The following DOCK2 variants were observed in gnomAD, a reference collection of about 807,000 sequenced individuals.
DOCK2 encodes dedicator of cytokinesis protein 2.
A neutral mutation model predicts 248.9 loss-of-function variants in DOCK2; 87 were observed. That is an observed-to-expected ratio of 0.35 (90% confidence interval 0.29 to 0.42). DOCK2 has a LOEUF of 0.42. DOCK2 is among the 10% of genes least tolerant of loss of function. The pLI, the probability that DOCK2 is intolerant of heterozygous loss-of-function variation, is 1.00. For synonymous variants in DOCK2, 805 were observed against 821.6 expected (o/e 0.98, Z 0.35); for missense variants, 1,747 against 2,300.2 (o/e 0.76, Z 4.92).
intron 1 of DOCK2, among the ~76,000 whole-genome samples, chr5:169,651,960 A>C (rs1384302347): frequency 1.3e-5 from 2 of 152,218 alleles, no homozygotes; most frequent in Non-Finnish European, 2.9e-5. Context: ...GAGATAATAT[A>C]ATGCTAATAA....
intron 26 of DOCK2, among the ~76,000 whole-genome samples, chr5:169,839,365 T>A (rs541715178): frequency 2.6e-5 from 4 of 152,318 alleles, no homozygotes; most frequent in Admixed American, 2.6e-4. Flanking sequence ...GAGAACCTTC[T>A]ACATTTTTGT....
intron 27 of DOCK2, among the ~76,000 whole-genome samples, chr5:169,927,395 G>A (rs537922433): frequency 1.3e-4 from 20 of 152,292 alleles, no homozygotes; most frequent in Non-Finnish European, 2.8e-4. Context: ...CCCTAGAGAT[G>A]GGGACCTTCT....
At chr5:169,696,947 A>G (rs775510202) in intron 10 of DOCK2, among the ~76,000 whole-genome samples, 1 of 151,972 alleles carries the variant, frequency 6.6e-6, no homozygotes, top group Admixed American at 6.6e-5. Context: ...TGGTTAATTC[A>G]TGAAATCCTC....
chr5:169,776,166 T>TAA (rs1200977931), intron 25 of DOCK2, among the ~76,000 whole-genome samples: 1,802 of 145,206 alleles, frequency 0.012, 42 homozygotes, highest in African/African-American at 0.043. Context: ...AATATATATA[T>TAA]TTATATAAAT....
intron 27 of DOCK2, among the ~76,000 whole-genome samples, chr5:169,949,750 T>C (rs929893268): frequency 1.6e-5 from 2 of 121,922 alleles, no homozygotes; most frequent in Admixed American, 7.9e-5. Context: ...TACACAGAGG[T>C]GTAGCATTTC....
In DOCK2 at chr5:169,784,700, T is replaced by C. The variant is rs553138781; in HGVS notation, c.2555-18358T>C. Among the ~76,000 whole-genome samples, 8 of 152,382 alleles carry C rather than the reference T, an allele frequency of 5.2e-5. No homozygotes were observed. In the East Asian group the frequency reaches 1.5e-3, roughly 29 times the overall value. Reference sequence around the variant, plus strand: ...GATGGAGCAGACATCAGGCTCAAGCTTCTCTTAGTATTTAATATAAGTGTT... The same window carrying C: ...GATGGAGCAGACATCAGGCTCAAGCCTCTCTTAGTATTTAATATAAGTGTT... On this transcript the variant is annotated intron_variant, in intron 25 of 51. Coordinates refer to ENST00000520908, the MANE Select transcript of DOCK2 (RefSeq NM_004946.3).
At chr5:169,786,778 T>G (rs1017670362) in intron 25 of DOCK2, among the ~76,000 whole-genome samples, 1 of 152,218 alleles carries the variant, frequency 6.6e-6, no homozygotes, top group Non-Finnish European at 1.5e-5. Context: ...ATGGACTCTA[T>G]GTATACATGT....
rs984911844 is a variant in DOCK2, at chr5:170,019,087, A to G, written c.3360A>G (p.Gln1120=). 4 of 1,613,952 alleles carry G rather than the reference A, an allele frequency of 2.5e-6. No homozygotes were observed. The highest frequency in any genetic ancestry group is 2.2e-5 in the East Asian group (1 of 44,894). ...TCGACATGATGCTGTGTGAATATCA[A>G]AGAAGTGGGGATTTCAAAAAGGTAA... The part of the protein sequence containing the change: ...IFFDMMLCEY[Q]RSGDFKKFEN... Residue 1120 remains glutamine (Q), a synonymous_variant, in exon 33 of 52, where the codon CAA becomes CAG. Transcript: ENST00000520908.
chr5:169,741,286 C>T (rs1206734071), intron 22 of DOCK2, among the ~76,000 whole-genome samples: 2 of 152,144 alleles, frequency 1.3e-5, no homozygotes, highest in East Asian at 3.9e-4. Flanking sequence ...GTCTCTTTCA[C>T]GAATCCTTTG....
At chr5:169,886,903 G>A (rs774743148) in intron 27 of DOCK2, among the ~76,000 whole-genome samples, 1 of 152,176 alleles carries the variant, frequency 6.6e-6, no homozygotes, top group Non-Finnish European at 1.5e-5. Context: ...CATTGATTAT[G>A]TGCCAGGCAT....
intron 23 of DOCK2, among the ~76,000 whole-genome samples, chr5:169,753,036 G>T (rs546402022): frequency 1.1e-3 from 165 of 151,910 alleles, no homozygotes; most frequent in Non-Finnish European, 2.1e-3. Flanking sequence ...TTGCACTCCA[G>T]CCTGGCGACA....
intron 27 of DOCK2, among the ~76,000 whole-genome samples, chr5:169,866,589 C>T (rs2113434308): frequency 6.6e-6 from 1 of 152,286 alleles, no homozygotes; most frequent in Admixed American, 6.5e-5. Context: ...GAATGGTAGG[C>T]AGACAATCTC....
intron 27 of DOCK2, among the ~76,000 whole-genome samples, chr5:169,890,438 C>T (rs1222745052): frequency 6.6e-6 from 1 of 152,198 alleles, no homozygotes; most frequent in African/African-American, 2.4e-5. Flanking sequence ...CCATACTCAT[C>T]TGAAATCAAA....
chr5:170,005,513 C>T (rs1302925478), intron 30 of DOCK2, among the ~76,000 whole-genome samples: 2 of 152,112 alleles, frequency 1.3e-5, no homozygotes, highest in African/African-American at 4.8e-5. Flanking sequence ...CGGTGTGTGC[C>T]AAGCCTGTGG....
chr5:169,919,820 G>T (rs1307529744), intron 27 of DOCK2, among the ~76,000 whole-genome samples: 1 of 152,146 alleles, frequency 6.6e-6, no homozygotes, highest in Non-Finnish European at 1.5e-5. Flanking sequence ...TAGAGATCAG[G>T]ACCTGAAGTT....
At chr5:169,652,676 G>A (rs902350885) in intron 1 of DOCK2, among the ~76,000 whole-genome samples, 1 of 152,192 alleles carries the variant, frequency 6.6e-6, no homozygotes, top group Non-Finnish European at 1.5e-5. Context: ...GAACCACTCT[G>A]GTCTTTTAAT....
intron 27 of DOCK2, among the ~76,000 whole-genome samples, chr5:169,934,278 C>A (rs781603961): frequency 6.6e-6 from 1 of 152,186 alleles, no homozygotes; most frequent in Non-Finnish European, 1.5e-5. Flanking sequence ...ACTGTATTTA[C>A]CCGGGAAGAC....
intron 34 of DOCK2, among the ~76,000 whole-genome samples, chr5:170,030,078 A>T (rs1243603913): frequency 6.6e-6 from 1 of 152,222 alleles, no homozygotes; most frequent in Non-Finnish European, 1.5e-5. Context: ...TGTTTATCTT[A>T]AAGTTCTAAA....
chr5:169,661,545 T>G (rs971515695), intron 2 of DOCK2, among the ~76,000 whole-genome samples: 4 of 152,200 alleles, frequency 2.6e-5, no homozygotes, highest in African/African-American at 9.7e-5. Context: ...TGTTGTACAT[T>G]AGATCTCTAG....
Sources: gnomAD v4.1 joint callset for allele counts (sites outside exome capture counted in the v4.1 genomes callset) on GRCh38, gnomAD v4.1.1 for gene constraint, MANE v1.5 for transcripts, NCBI Gene and HGNC (gene_info 2026-07-23, HGNC 2026-07-21) for gene names.